The following MOXD1 variants were observed in gnomAD, a reference collection of about 807,000 sequenced individuals.
The protein encoded by MOXD1 is DBH-like monooxygenase protein 1.
MOXD1 carries 62 observed loss-of-function variants against 66.6 expected under a neutral mutation model. The observed-to-expected ratio is 0.93, with a 90% CI of 0.76 to 1.15. The LOEUF is 1.15. MOXD1 is among the 50% of genes most tolerant of loss of function. The probability of loss-of-function intolerance (pLI) is 0.00; values close to 1 mark genes in which losing one functional copy is unlikely to be tolerated. For missense variants in MOXD1, 847 were observed against 754.6 expected (o/e 1.12, Z -1.44); for synonymous variants, 303 against 281.9 (o/e 1.07, Z -0.75).
intron 2 of MOXD1, among the ~76,000 whole-genome samples, chr6:132,373,310 C>T (rs767664265): frequency 2.0e-5 from 3 of 152,254 alleles, no homozygotes; most frequent in Non-Finnish European, 2.9e-5. Flanking sequence ...ATCATTGTCA[C>T]GCCAAAACTT....
rs1776679035 is a variant in MOXD1 at position 132,387,658 on chromosome 6, G to A, written c.265-12881C>T. Reference sequence around the variant, plus strand: ...AATCCTAGCTACTCCGGAGGCTGAGGCAGGAGAATCATTTTAACCTGGGGA... The same window carrying A: ...AATCCTAGCTACTCCGGAGGCTGAGACAGGAGAATCATTTTAACCTGGGGA... On this transcript the variant is annotated intron_variant, in intron 1 of 11. Coordinates refer to ENST00000367963, the MANE Select transcript of MOXD1 (RefSeq NM_015529.4). 2.7e-5 allele frequency among the ~76,000 whole-genome samples: 4 copies of A among 148,768 alleles called. No individual in the cohort carries two copies. The South Asian group carries it at 8.8e-4, about 33-fold the overall frequency.
rs139869837 is a variant in MOXD1 at position 132,354,183 on chromosome 6, G to A, written c.663+18425C>T. 3.2e-4 allele frequency among the ~76,000 whole-genome samples: 48 copies of A among 152,168 alleles called. No individual in the cohort carries two copies. In the East Asian group the frequency reaches 6.4e-3, roughly 20 times the overall value. ...CAGGGATTTCTTCTTGGTTTGGATC[G>A]ATTGCTGGTGAGCTAGTGTGATTTT... On this transcript the variant is annotated intron_variant, in intron 4 of 11. Transcript: ENST00000367963.
intron 6 of MOXD1, among the ~76,000 whole-genome samples, chr6:132,325,684 A>C (rs536566633): frequency 6.6e-6 from 1 of 152,344 alleles, no homozygotes; most frequent in East Asian, 1.9e-4. Context: ...GAAGACATAA[A>C]GTTACCTAAT....
intron 5 of MOXD1, 40 bp downstream of exon 5, chr6:132,328,375 T>A: frequency 1.3e-6 from 2 of 1,592,328 alleles, no homozygotes; most frequent in Non-Finnish European, 1.7e-6. Flanking sequence ...GGAAATATGA[T>A]CAGTTAATTG....
intron 4 of MOXD1, among the ~76,000 whole-genome samples, chr6:132,370,275 T>C (rs1029156753): frequency 1.3e-5 from 2 of 152,050 alleles, no homozygotes; most frequent in Admixed American, 6.6e-5. Context: ...AAAAAGAGCA[T>C]GGAAATCAGA....
At chr6:132,370,068 A>C (rs186462409) in intron 4 of MOXD1, among the ~76,000 whole-genome samples, 398 of 152,218 alleles carry the variant, frequency 2.6e-3, no homozygotes, top group Non-Finnish European at 4.2e-3. Context: ...ATATAAAATC[A>C]ATCTTCTCAT....
At chr6:132,330,538 T>A (rs1171696386) in intron 4 of MOXD1, among the ~76,000 whole-genome samples, 1 of 152,160 alleles carries the variant, frequency 6.6e-6, no homozygotes, top group Non-Finnish European at 1.5e-5. Flanking sequence ...GACCGCTGAG[T>A]TACAGGGTTC....
intron 6 of MOXD1, 80 bp downstream of exon 6, chr6:132,327,933 G>A (rs983078933): frequency 1.8e-6 from 2 of 1,093,096 alleles, no homozygotes; most frequent in African/African-American, 1.6e-5. Context: ...CTGCTATTTT[G>A]TTTCAACTCT....
At chr6:132,331,872 A>G (rs1270877734) in intron 4 of MOXD1, among the ~76,000 whole-genome samples, 2 of 152,008 alleles carry the variant, frequency 1.3e-5, no homozygotes, top group African/African-American at 2.4e-5. Flanking sequence ...GGTGGGAGGG[A>G]GGATGAAAGG....
intron 4 of MOXD1, among the ~76,000 whole-genome samples, chr6:132,340,811 T>C (rs542222329): frequency 6.6e-6 from 1 of 151,892 alleles, no homozygotes; most frequent in East Asian, 1.9e-4. Flanking sequence ...CGCGCCCGGC[T>C]AATTTTTTGT....
chr6:132,398,811 C>T (rs574360254), intron 1 of MOXD1, among the ~76,000 whole-genome samples: 12 of 151,622 alleles, frequency 7.9e-5, no homozygotes, highest in African/African-American at 1.7e-4. Context: ...TGGTGACAGG[C>T]GCCTGTAATC....
intron 4 of MOXD1, among the ~76,000 whole-genome samples, chr6:132,363,344 A>G (rs984136789): frequency 2.0e-5 from 3 of 152,144 alleles, no homozygotes; most frequent in Admixed American, 6.5e-5. Context: ...GGTACACACT[A>G]TAACTGTGCA....
chr6:132,369,499 C>A (rs1185724273), intron 4 of MOXD1, among the ~76,000 whole-genome samples: 1 of 151,732 alleles, frequency 6.6e-6, no homozygotes, highest in Non-Finnish European at 1.5e-5. Flanking sequence ...AAGTTGAGAG[C>A]TTTCTCCTTT....
In MOXD1 at chr6:132,322,785, C is replaced by T. The variant is rs369720103; in HGVS notation, c.1199G>A (p.Arg400His). Reference protein sequence around the residue: ...AHLAGRGIRLRHFRKGKEMKL... With the variant: ...AHLAGRGIRLHHFRKGKEMKL... ...CATTTCCTTCCCTTTTCGAAAATGA[C>T]GCAGCCTGATGCCTCTGCCAGCCAG... The change falls in exon 8 of 12, where the codon CGT (arginine) becomes CAT (histidine). Residue 400 changes from arginine to histidine, a missense_variant. Coordinates refer to ENST00000367963, the MANE Select transcript of MOXD1 (RefSeq NM_015529.4). 8.6e-5 allele frequency: 138 copies of T among 1,614,012 alleles called. 1 individual carries two copies. Among genetic ancestry groups the T allele is most frequent in the East Asian group, 5.3e-4 (24 of 44,876 alleles).
At chr6:132,318,899 A>T (rs1388802679) in intron 9 of MOXD1, among the ~76,000 whole-genome samples, 2 of 152,040 alleles carry the variant, frequency 1.3e-5, no homozygotes, top group Non-Finnish European at 2.9e-5. Flanking sequence ...TAGTGCCAGC[A>T]TCCTTTAATA....
chr6:132,299,685 G>C (rs1158634026), intron 10 of MOXD1, among the ~76,000 whole-genome samples: 1 of 151,992 alleles, frequency 6.6e-6, no homozygotes, highest in East Asian at 1.9e-4. Context: ...TCCTGAAAAA[G>C]GGAAAAGTGT....
chr6:132,375,039 C>G, intron 1 of MOXD1: 1 of 547,442 alleles, frequency 1.8e-6, no homozygotes, highest in Non-Finnish European at 3.2e-6. Context: ...CATTTGATAC[C>G]ATTGTGTGCC....
chr6:132,334,096 C>A (rs1424888429), intron 4 of MOXD1, among the ~76,000 whole-genome samples: 1 of 152,204 alleles, frequency 6.6e-6, no homozygotes, highest in African/African-American at 2.4e-5. Context: ...TCTTCTTACG[C>A]ACTTTATCCA....
intron 3 of MOXD1, 63 bp from the exon 4 acceptor site, chr6:132,372,754 A>G: frequency 6.2e-7 from 1 of 1,608,520 alleles, no homozygotes; most frequent in Non-Finnish European, 8.5e-7. Flanking sequence ...TCCTGAATAC[A>G]ATAATGTAAG....
Sources: allele counts gnomAD v4.1 joint callset (sites outside exome capture counted in the v4.1 genomes callset), GRCh38; gene constraint gnomAD v4.1.1; transcripts MANE v1.5; gene names NCBI Gene and HGNC (gene_info 2026-07-23, HGNC 2026-07-21).